The following COL4A3 variants were observed in gnomAD, a reference collection of about 807,000 sequenced individuals.
The protein encoded by COL4A3 is collagen type IV alpha 3 chain.
A neutral mutation model predicts 217.4 loss-of-function variants in COL4A3; 135 were observed. That is an observed-to-expected ratio of 0.62 (90% CI 0.54 to 0.72). COL4A3 has a LOEUF of 0.72. Among genes scored for constraint, COL4A3 ranks in the 30% least tolerant of loss-of-function variants. The pLI is 0.00. For missense variants in COL4A3, 1,868 were observed against 2,119.9 expected, an observed-to-expected ratio of 0.88 and a Z score of 2.33; for synonymous variants, 690 against 736.3, an observed-to-expected ratio of 0.94 and a Z score of 1.02.
chr2:227,188,885 C>G (rs74544985), intron 1 of COL4A3, among the ~76,000 whole-genome samples: 1 of 152,220 alleles, frequency 6.6e-6, no homozygotes, highest in South Asian at 2.1e-4. Context: ...AGTTATGGAC[C>G]AAGAAATGGG....
intron 1 of COL4A3, chr2:227,169,288 C>T (rs996752194): frequency 2.6e-5 from 4 of 151,330 alleles, no homozygotes; most frequent in Admixed American, 6.6e-5. Flanking sequence ...TCCAGTCTAT[C>T]GTTGTTGGAT....
At chr2:227,309,587 G>GA (rs1195933562) in intron 50 of COL4A3, among the ~76,000 whole-genome samples, 1 of 151,824 alleles carries the variant, frequency 6.6e-6, no homozygotes, top group Non-Finnish European at 1.5e-5. Context: ...ATTGATAATG[G>GA]AATGTCTCTT....
chr2:227,220,136 ATGTGTGTGTGTGTGTG>A (rs35199710), intron 1 of COL4A3, among the ~76,000 whole-genome samples: 1 of 127,152 alleles, frequency 7.9e-6, no homozygotes, highest in South Asian at 2.5e-4. Context: ...AGGCGGTTTT[ATGTGTGTGTGTGTGTG>A]TGTGTGTGTG....
chr2:227,269,916 A>T lies in COL4A3; in HGVS notation c.1511A>T (p.Gln504Leu). Residue 504 changes from glutamine (Q) to leucine (L), a missense_variant, in exon 24 of 52, where the codon CAA (glutamine) becomes CTA (leucine). Gln to Leu is a moderately radical substitution (Grantham distance 113). Coordinates refer to ENST00000396578, the MANE Select transcript of COL4A3 (RefSeq NM_000091.5). ...ATAATTCGTTGATTTGCAGGAAGAC[A>T]AGGCGCAGCTGGCTTGAAAGGAAGC... Reference protein sequence around the residue: ...LHGVKGIPGRQGAAGLKGSPG... With the variant: ...LHGVKGIPGRLGAAGLKGSPG... 1 of 1,613,818 alleles carries T rather than the reference A, an allele frequency of 6.2e-7. No homozygotes were observed. The highest frequency in any genetic ancestry group is 8.5e-7 in the Non-Finnish European group (1 of 1,179,802).
intron 50 of COL4A3, among the ~76,000 whole-genome samples, chr2:227,309,783 G>GT (rs2073670632): frequency 6.6e-6 from 1 of 151,762 alleles, no homozygotes; most frequent in South Asian, 2.1e-4. Context: ...TGTATTTTTG[G>GT]TTTTTTGTTT....
chr2:227,173,347 G>T (rs375300971), intron 1 of COL4A3, among the ~76,000 whole-genome samples: 1 of 152,102 alleles, frequency 6.6e-6, no homozygotes, highest in African/African-American at 2.4e-5. Context: ...TTATGGTGAC[G>T]AAATAAGTAC....
In COL4A3 at chr2:227,238,383, ACT is replaced by A. The variant is rs142487244; in HGVS notation, c.144+360_144+361del. Among the ~76,000 whole-genome samples, 1,310 of 150,838 alleles carry A rather than the reference ACT, an allele frequency of 8.7e-3. 34 individuals carry two copies. Among genetic ancestry groups the A allele is most frequent in the African/African-American group, 0.031 (1,250 of 40,620 alleles). On this transcript the variant is annotated intron_variant, in intron 2 of 51. Coordinates refer to ENST00000396578, the MANE Select transcript of COL4A3 (RefSeq NM_000091.5). ...GAACTGAAAACGATTTGATTCATTC[ACT>A]TTGACAGAAAATAAACATTGAAATT...
At chr2:227,264,017 A>G in intron 21 of COL4A3, 73 bp downstream of exon 21, 6 of 1,539,302 alleles carry the variant, frequency 3.9e-6, no homozygotes, top group Non-Finnish European at 5.4e-6. Context: ...CGGGCAACAA[A>G]CCCTCCTCAC....
chr2:227,251,093 G>C (rs754702073), intron 9 of COL4A3, 47 bp from the exon 10 acceptor site: 1 of 1,346,570 alleles, frequency 7.4e-7, no homozygotes, highest in Admixed American at 1.7e-5. Context: ...TTGTTATTAA[G>C]TGAGAAGTAA....
At chr2:227,183,313 A>AACAAGC (rs2125678254) in intron 1 of COL4A3, among the ~76,000 whole-genome samples, 2 of 151,998 alleles carry the variant, frequency 1.3e-5, no homozygotes, top group South Asian at 4.2e-4. Flanking sequence ...GAGAAGGAGG[A>AACAAGC]ACAAGCTATG....
Position 227,309,002 on chromosome 2 carries a change from G to A in COL4A3, c.4566G>A (p.Trp1522Ter), listed in dbSNP as rs2073630720. 1 of 1,614,138 alleles carries A rather than the reference G, an allele frequency of 6.2e-7. No homozygotes were observed. The highest frequency in any genetic ancestry group is 8.5e-7 in the Non-Finnish European group (1 of 1,180,018). The change falls in exon 49 of 52, where the codon TGG becomes TGA. Residue 1522 changes from tryptophan to a stop codon, truncating the protein, a stop_gained. Transcript: ENST00000396578. LOFTEE classifies it high-confidence loss of function. ...CATCTCGAAATGATTATTCATACTGGCTGTCAACACCAGCTCTGATGCCAA... is the reference window on the plus strand; with the variant it reads ...CATCTCGAAATGATTATTCATACTGACTGTCAACACCAGCTCTGATGCCAA... ...NFASRNDYSY[W>*]LSTPALMPMN...
rs754512121 is a variant in COL4A3 at position 227,253,554 on chromosome 2, T to C, written c.688-7T>C. On this transcript the variant is annotated splice_region_variant and splice_polypyrimidine_tract_variant and intron_variant, in intron 12 of 51. Transcript: ENST00000396578. The surrounding 1 kb of genome is among the most constrained non-coding windows in gnomAD (Gnocchi z 4.4). ...ATTTTCTCACTCCTGAGTGTTTTTG[T>C]CTTTAGGGTGTGAAAGGGTTAACAG... 1.2e-6 allele frequency: 2 copies of C among 1,612,272 alleles called. No individual in the cohort carries two copies. Among genetic ancestry groups the C allele is most frequent in the East Asian group, 2.2e-5 (1 of 44,886 alleles).
rs568636576 is a variant in COL4A3, at chr2:227,210,076, A to G, written c.88-27892A>G. On this transcript the variant is annotated intron_variant, in intron 1 of 51. Coordinates refer to ENST00000396578, the MANE Select transcript of COL4A3 (RefSeq NM_000091.5). ...TTCCTGTAAGTAAAGTTCTTAATAC[A>G]GTGCCAGGCATGTAGTAAAAGCTAT... 3.4e-4 allele frequency among the ~76,000 whole-genome samples: 52 copies of G among 152,370 alleles called. No homozygotes were observed. In the South Asian group the frequency reaches 0.011, roughly 32 times the overall value.
chr2:227,245,854 T>C (rs982501211), intron 5 of COL4A3, 100 bp from the exon 6 acceptor site: 1 of 888,354 alleles, frequency 1.1e-6, no homozygotes, highest in African/African-American at 1.6e-5. Flanking sequence ...TAAACAATCA[T>C]TTATATTTCA....
chr2:227,186,028 A>G (rs2066020011), intron 1 of COL4A3, among the ~76,000 whole-genome samples: 2 of 152,246 alleles, frequency 1.3e-5, no homozygotes, highest in Non-Finnish European at 2.9e-5. Flanking sequence ...AGCATCTCCT[A>G]CAGGGAAGGA....
rs1158524505 is a variant in COL4A3 at position 227,277,499 on chromosome 2, G to A, written c.2071G>A (p.Asp691Asn). 3.7e-6 allele frequency: 6 copies of A among 1,612,962 alleles called. No individual in the cohort carries two copies. The highest frequency in any genetic ancestry group is 4.2e-6 in the Non-Finnish European group (5 of 1,179,720). Residue 691 changes from aspartate to asparagine, a missense_variant, in exon 28 of 52, where the codon GAT (aspartate) becomes AAT (asparagine). Asp to Asn is a conservative substitution (Grantham distance 23). Around this residue, in one of 2 missense-constraint regions of COL4A3, gnomAD observed 1,503 missense variants for 1,786.1 expected, o/e 0.84. Transcript: ENST00000396578. ...KCGDPGLPGPDGEPGIPGIGF... is the reference protein window; with the variant it reads ...KCGDPGLPGPNGEPGIPGIGF... ...TGGAGATCCTGGTCTTCCAGGGCCTGATGGTGAACCAGGAATTCCAGGAAT... is the reference window on the plus strand; with the variant it reads ...TGGAGATCCTGGTCTTCCAGGGCCTAATGGTGAACCAGGAATTCCAGGAAT...
At chr2:227,272,888 TA>T in intron 25 of COL4A3, 60 bp from the exon 26 acceptor site, 1 of 1,531,444 alleles carries the variant, frequency 6.5e-7, no homozygotes. Flanking sequence ...GGAGGATGAT[TA>T]ACCTGTTGTA....
At chr2:227,240,891 C>T (rs10166018) in intron 3 of COL4A3, among the ~76,000 whole-genome samples, 93,492 of 152,108 alleles carry the variant, frequency 0.61, 29,613 homozygotes, top group East Asian at 0.82. Flanking sequence ...CAATGACCTT[C>T]AAGTGGCCAA....
At position 227,251,220 on chromosome 2, in the gene COL4A3, C is replaced by A; in HGVS notation, c.609+18C>A. 2 of 1,609,862 alleles carry A rather than the reference C, an allele frequency of 1.2e-6. No homozygotes were observed. The highest frequency in any genetic ancestry group is 2.2e-5 in the South Asian group (2 of 90,924). On this transcript the variant is annotated intron_variant, in intron 10 of 51. Coordinates refer to ENST00000396578, the MANE Select transcript of COL4A3 (RefSeq NM_000091.5). ...GATTCTTTGTGAGTATCAAGTCATC[C>A]TTGCTACAGACTCTGTCAACTAATA... is the stretch of plus-strand genomic sequence containing the variant.
Sources: gnomAD v4.1 joint callset for allele counts (sites outside exome capture counted in the v4.1 genomes callset) on GRCh38, gnomAD v4.1.1 for gene constraint, gnomAD v4.1.1 regional missense constraint, Gnocchi (gnomAD v3.1) non-coding constraint, MANE v1.5 for transcripts, NCBI Gene and HGNC (gene_info 2026-07-23, HGNC 2026-07-21) for gene names.